RGMB: variants seen among roughly 807,000 people sequenced by gnomAD.
RGMB encodes repulsive guidance molecule B.
RGMB carries 16 observed loss-of-function variants against 26.9 expected under a neutral mutation model. The observed-to-expected ratio is 0.60, with a 90% CI of 0.40 to 0.90. The LOEUF (loss-of-function observed/expected upper bound fraction) is 0.90, where lower values mean the gene tolerates loss of function less well. RGMB is among the 40% of genes least tolerant of loss of function. RGMB has a pLI of 0.00. For missense variants in RGMB, 512 were observed against 573.3 expected (o/e 0.89, Z 1.09); for synonymous variants, 225 against 229.3 (o/e 0.98, Z 0.17).
chr5:98,786,436 T>C (rs1746769421), intron 2 of RGMB, among the ~76,000 whole-genome samples: 1 of 152,222 alleles, frequency 6.6e-6, no homozygotes. Flanking sequence ...TTTCCAAATG[T>C]CTGCCTGGTT....
Position 98,796,045 on chromosome 5 carries a change from A to G in RGMB, c.*2292A>G, listed in dbSNP as rs1747108942. On this transcript the variant is annotated 3_prime_UTR_variant, in exon 3 of 3. Coordinates refer to ENST00000513185, the MANE Select transcript of RGMB (RefSeq NM_001366508.1). ...GCCCTTGTAATCGGTGTCCCTGTAA[A>G]ACAATCCCCACAGATTACTTTCAGA... The G allele has an allele frequency of 6.6e-6, 1 of 152,220 alleles. No homozygotes were observed. The highest frequency in any genetic ancestry group is 1.5e-5 in the Non-Finnish European group (1 of 68,046). 9.4% of individuals were successfully genotyped at this position (152,220 alleles called of 1,614,324 possible).
At chr5:98,778,033 A>G (rs528317528) in intron 1 of RGMB, among the ~76,000 whole-genome samples, 4 of 152,300 alleles carry the variant, frequency 2.6e-5, no homozygotes, top group Non-Finnish European at 5.9e-5. Flanking sequence ...TAGCCAAAGC[A>G]GAAGAACCCA....
At position 98,793,492 on chromosome 5, in the gene RGMB, G is replaced by A. The variant is rs1398981303; in HGVS notation, c.1053G>A (p.Leu351=). The change falls in exon 3 of 3, where the codon CTG becomes CTA. Residue 351 remains leucine (L), a synonymous_variant. Transcript: ENST00000513185. ...TGCAGGCCTGGCCTGGCTACACACT[G>A]GAGACTGCCAACACTCAATGCCATG... The part of the protein sequence containing the change: ...SLVQAWPGYT[L]ETANTQCHEK... 6 of 1,613,562 alleles carry A rather than the reference G, an allele frequency of 3.7e-6. No individual in the cohort carries two copies. The South Asian group carries it at 5.5e-5, about 15-fold the overall frequency.
At chr5:98,782,135 C>A (rs1304881320) in intron 2 of RGMB, among the ~76,000 whole-genome samples, 2 of 152,208 alleles carry the variant, frequency 1.3e-5, no homozygotes, top group African/African-American at 4.8e-5. Flanking sequence ...TGTAGCCTCA[C>A]TTCACAACCT....
chr5:98,786,834 A>T (rs1204244287), intron 2 of RGMB, among the ~76,000 whole-genome samples: 4 of 152,216 alleles, frequency 2.6e-5, no homozygotes, highest in African/African-American at 9.6e-5. Flanking sequence ...GTCTAGAAAG[A>T]AGTTTAGGTG....
chr5:98,778,986 A>G (rs1746504077), intron 1 of RGMB, among the ~76,000 whole-genome samples: 1 of 151,856 alleles, frequency 6.6e-6, no homozygotes, highest in Admixed American at 6.6e-5. Flanking sequence ...TTCTTGGTAA[A>G]CGTGCCTCAG....
At chr5:98,793,031 C>T in intron 2 of RGMB, 54 bp from the exon 3 acceptor site, 1 of 1,429,246 alleles carries the variant, frequency 7.0e-7, no homozygotes, top group Non-Finnish European at 9.5e-7. Context: ...AGAGGGTTAC[C>T]CCGTTCTGCT....
chr5:98,771,617 G>A (rs954517957), upstream of RGMB: 2 of 152,160 alleles, frequency 1.3e-5, no homozygotes, highest in African/African-American at 4.8e-5. Flanking sequence ...TATAAATCTC[G>A]AGCTTGTCAA....
intron 1 of RGMB, among the ~76,000 whole-genome samples, chr5:98,778,308 C>G (rs550176289): frequency 2.4e-4 from 36 of 152,222 alleles, no homozygotes; most frequent in African/African-American, 7.5e-4. Flanking sequence ...TTTATTGCAT[C>G]CACATCTTGA....
intron 2 of RGMB, among the ~76,000 whole-genome samples, chr5:98,783,297 C>T (rs1370749919): frequency 1.3e-5 from 2 of 152,178 alleles, no homozygotes; most frequent in African/African-American, 4.8e-5. Context: ...ACACATACCT[C>T]GGCTGACATC....
At chr5:98,780,254 A>G (rs550203288) in intron 2 of RGMB, 166 bp downstream of exon 2, 26 of 599,690 alleles carry the variant, frequency 4.3e-5, no homozygotes, top group African/African-American at 3.1e-4. Context: ...CTAGTAAGGA[A>G]TTTCTTATTG....
At chr5:98,778,516 T>G (rs1055471703) in intron 1 of RGMB, among the ~76,000 whole-genome samples, 1 of 152,198 alleles carries the variant, frequency 6.6e-6, no homozygotes, top group African/African-American at 2.4e-5. Context: ...AAAGATTTTA[T>G]GTAACACAAA....
rs1747066208 is a variant in RGMB, at chr5:98,794,885, G to C, written c.*1132G>C. ...ATATGTCTGCATGCAAAGTGGAACA[G>C]AGTTGGGCGGCAATGACAGAAGAGC... On this transcript the variant is annotated 3_prime_UTR_variant, in exon 3 of 3. Transcript: ENST00000513185. 1 of 152,246 alleles carries C rather than the reference G, an allele frequency of 6.6e-6. No individual in the cohort carries two copies. The allele number at this position is 152,246 out of a possible 1,614,324, so 9.4% of individuals were successfully genotyped here.
upstream of RGMB, chr5:98,770,706 C>A: frequency 7.3e-7 from 1 of 1,360,584 alleles, no homozygotes; most frequent in East Asian, 2.9e-5. Flanking sequence ...TCAAGTCGCC[C>A]GCTTGGCCCT....
At chr5:98,772,079 A>G (rs959604776), upstream of RGMB, among the ~76,000 whole-genome samples, 2 of 152,212 alleles carry the variant, frequency 1.3e-5, no homozygotes, top group Non-Finnish European at 2.9e-5. Flanking sequence ...TTTTTGCTCT[A>G]ATAATACTTA....
intron 2 of RGMB, among the ~76,000 whole-genome samples, chr5:98,791,491 G>A (rs528081446): frequency 2.6e-5 from 4 of 152,012 alleles, no homozygotes; most frequent in African/African-American, 4.8e-5. Context: ...GTGGGCAGGC[G>A]GGGGGAGGGG....
chr5:98,783,066 T>C (rs1035595961), intron 2 of RGMB, among the ~76,000 whole-genome samples: 3 of 152,174 alleles, frequency 2.0e-5, no homozygotes, highest in Non-Finnish European at 4.4e-5. Context: ...CTCCTCCCCT[T>C]CCTTGGGAAA....
chr5:98,790,700 A>G (rs1580293961), intron 2 of RGMB, among the ~76,000 whole-genome samples: 1 of 152,242 alleles, frequency 6.6e-6, no homozygotes, highest in East Asian at 1.9e-4. Flanking sequence ...TTGGCCCAAC[A>G]CAAGTAAATC....
At chr5:98,772,799 C>A (rs1249409340), upstream of RGMB, 1 of 152,186 alleles carries the variant, frequency 6.6e-6, no homozygotes, top group African/African-American at 2.4e-5. Flanking sequence ...TTTAAATAAT[C>A]TGTAGAAATT....
Sources: gnomAD v4.1 joint callset for allele counts (sites outside exome capture counted in the v4.1 genomes callset) on GRCh38, gnomAD v4.1.1 for gene constraint, MANE v1.5 for transcripts, NCBI Gene and HGNC (gene_info 2026-07-23, HGNC 2026-07-21) for gene names.